Variants in TOP3A observed in about 807,000 individuals in gnomAD.
TOP3A encodes the protein DNA topoisomerase 3-alpha.
Under a neutral mutation model 111.3 loss-of-function variants are expected in TOP3A, and 64 were observed. The observed-to-expected ratio is 0.57, with a 90% confidence interval of 0.47 to 0.71. The LOEUF (loss-of-function observed/expected upper bound fraction) is 0.71, where lower values mean the gene tolerates loss of function less well. Among genes scored for constraint, TOP3A ranks in the 30% least tolerant of loss-of-function variants. The pLI, the probability that TOP3A is intolerant of heterozygous loss-of-function variation, is 0.00. For missense variants in TOP3A, 1,104 were observed against 1,285.0 expected (o/e 0.86, Z 2.15); for synonymous variants, 484 against 485.1 (o/e 1.00, Z 0.03).
intron 7 of TOP3A, 76 bp from the exon 8 acceptor site, chr17:18,302,061 T>C (rs1471911151): frequency 6.0e-6 from 9 of 1,489,650 alleles, no homozygotes; most frequent in Non-Finnish European, 8.3e-6. Context: ...AAAAGGTTTA[T>C]TGTGGTGAAA....
chr17:18,299,438 C>G (rs1453565562), intron 9 of TOP3A, 121 bp downstream of exon 9: 2 of 861,370 alleles, frequency 2.3e-6, no homozygotes, highest in African/African-American at 3.3e-5. Flanking sequence ...CCAGTGTTTT[C>G]TTGTGTGGCC....
At chr17:18,288,210 T>C (rs1461265679) in intron 13 of TOP3A, among the ~76,000 whole-genome samples, 8 of 146,684 alleles carry the variant, frequency 5.5e-5, no homozygotes, top group Non-Finnish European at 1.0e-4. Context: ...TGAAGTGCAG[T>C]GGCACAATCT....
In TOP3A at chr17:18,299,642, C is replaced by T. The variant is rs567671361; in HGVS notation, c.916-9G>A. The T allele has an allele frequency of 6.2e-7, 1 of 1,613,528 alleles. No individual in the cohort carries two copies. The highest frequency in any genetic ancestry group is 8.5e-7 in the Non-Finnish European group (1 of 1,179,530). On this transcript the variant is annotated splice_polypyrimidine_tract_variant and intron_variant, in intron 8 of 18. Transcript: ENST00000321105. The stretch of plus-strand genomic sequence containing the variant: ...ACAGTTGCCATGGGATCCTAGAAAG[C>T]CAGGAAAGAAAAGACCATGTTAACC...
chr17:18,293,615 GAGAC>G (rs1980614869), intron 10 of TOP3A, among the ~76,000 whole-genome samples: 1 of 144,710 alleles, frequency 6.9e-6, no homozygotes, highest in Admixed American at 6.8e-5. Context: ...TTCCCCCCAA[GAGAC>G]GGAGTCTTGC....
At chr17:18,288,469 ATTAT>A (rs946668118) in intron 13 of TOP3A, among the ~76,000 whole-genome samples, 1 of 149,038 alleles carries the variant, frequency 6.7e-6, no homozygotes, top group African/African-American at 2.5e-5. Context: ...AAATATTATT[ATTAT>A]TTTTTTGTAA....
At chr17:18,296,799 G>A (rs1597974483) in intron 9 of TOP3A, among the ~76,000 whole-genome samples, 1 of 152,138 alleles carries the variant, frequency 6.6e-6, no homozygotes. Context: ...CTGCTAAGTG[G>A]TGACTGAGAA....
At chr17:18,293,178 C>T (rs1032784004) in intron 10 of TOP3A, among the ~76,000 whole-genome samples, 3 of 152,264 alleles carry the variant, frequency 2.0e-5, no homozygotes, top group African/African-American at 7.2e-5. Flanking sequence ...TGATGCAGCA[C>T]ATGAGACTCA....
intron 10 of TOP3A, 76 bp from the exon 11 acceptor site, chr17:18,292,928 A>C: frequency 2.2e-6 from 3 of 1,373,726 alleles, no homozygotes; most frequent in Non-Finnish European, 3.0e-6. Context: ...GAAAGCACAC[A>C]CTAACACCTG....
intron 1 of TOP3A, among the ~76,000 whole-genome samples, chr17:18,309,322 A>T (rs1353053680): frequency 6.6e-6 from 1 of 152,250 alleles, no homozygotes; most frequent in African/African-American, 2.4e-5. Flanking sequence ...TCAAAAAGTT[A>T]CAGAGTTATC....
intron 1 of TOP3A, chr17:18,311,857 C>A (rs1015295055): frequency 4.6e-5 from 7 of 152,248 alleles, no homozygotes; most frequent in African/African-American, 1.7e-4. Context: ...GGAAGGATTC[C>A]TTGAAGATGA....
Position 18,274,710 on chromosome 17 carries a change from G to A in TOP3A, c.*92C>T. 8 of 1,526,890 alleles carry A rather than the reference G, an allele frequency of 5.2e-6. No homozygotes were observed. Among genetic ancestry groups the A allele is most frequent in the Non-Finnish European group, 7.0e-6 (8 of 1,136,850 alleles). 94.6% of individuals were successfully genotyped at this position (1,526,890 alleles called of 1,614,324 possible). A position where few individuals can be genotyped will look rare whatever the true frequency, so the allele number is the denominator to read the frequency against. The stretch of plus-strand genomic sequence containing the variant: ...CCAACACTGTCCTCTAAGTTTCCAG[G>A]ACACTAAATGGCCACTTGGTCCTGG... On this transcript the variant is annotated 3_prime_UTR_variant, in exon 19 of 19. Coordinates refer to ENST00000321105, the MANE Select transcript of TOP3A (RefSeq NM_004618.5).
rs768217692 is a variant in TOP3A at position 18,302,251 on chromosome 17, C to T, written c.814+13G>A. The T allele has an allele frequency of 9.4e-6, 15 of 1,602,070 alleles. No homozygotes were observed. The highest frequency in any genetic ancestry group is 1.2e-5 in the Non-Finnish European group (14 of 1,175,072). ...CATAGGTCCCAGGCCATAACACCCA[C>T]TCCAGGCCCTACCTTTAATTCTGTG... On this transcript the variant is annotated intron_variant, in intron 7 of 18. Coordinates refer to ENST00000321105, the MANE Select transcript of TOP3A (RefSeq NM_004618.5).
chr17:18,310,532 T>TA (rs1183597798), intron 1 of TOP3A, among the ~76,000 whole-genome samples: 1 of 152,142 alleles, frequency 6.6e-6, no homozygotes, highest in Non-Finnish European at 1.5e-5. Flanking sequence ...AAAGAGCATG[T>TA]AAGATATGGG....
At position 18,271,844 on chromosome 17, in the gene TOP3A, C is replaced by T. The variant is rs1208792966; in HGVS notation, c.*2958G>A. The T allele has an allele frequency of 2.4e-6, 1 of 415,624 alleles. No homozygotes were observed. Among genetic ancestry groups the T allele is most frequent in the Non-Finnish European group, 4.8e-6 (1 of 208,106 alleles). The allele number at this position is 415,624 out of a possible 1,614,324, so 25.7% of individuals were successfully genotyped here. ...TTGGGAGGCCGAGGCTGGTAGATCACCTGAGGTCACGAGTTTGAGACCAGC... is the reference window on the plus strand; with the variant it reads ...TTGGGAGGCCGAGGCTGGTAGATCATCTGAGGTCACGAGTTTGAGACCAGC... On this transcript the variant is annotated 3_prime_UTR_variant, in exon 19 of 19. Transcript: ENST00000321105.
In TOP3A at chr17:18,314,604, T is replaced by G; in HGVS notation, c.175A>C (p.Arg59=). The G allele has an allele frequency of 6.2e-7, 1 of 1,610,178 alleles. No homozygotes were observed. Among genetic ancestry groups the G allele is most frequent in the South Asian group, 1.1e-5 (1 of 90,538 alleles). The change falls in exon 1 of 19, where the codon AGG becomes CGG. Residue 59 remains arginine, a synonymous_variant. Coordinates refer to ENST00000321105, the MANE Select transcript of TOP3A (RefSeq NM_004618.5). The stretch of plus-strand genomic sequence containing the variant: ...ATCGGAACGCGCTTTCTTACCCGCC[T>G]CATGCGACCGTTTGACAGCAGGTCG... The part of the protein sequence containing the change: ...IADLLSNGRM[R]RREGLSKFNK...
At chr17:18,276,520 G>T (rs533051909) in intron 18 of TOP3A, among the ~76,000 whole-genome samples, 3 of 152,346 alleles carry the variant, frequency 2.0e-5, no homozygotes, top group Admixed American at 2.0e-4. Context: ...TGACACATGT[G>T]TAAGAATCAT....
intron 1 of TOP3A, among the ~76,000 whole-genome samples, chr17:18,310,659 C>T (rs1193309087): frequency 6.6e-6 from 1 of 152,068 alleles, no homozygotes; most frequent in East Asian, 1.9e-4. Context: ...TATGAGGCTT[C>T]CTCTTGGGGT....
intron 13 of TOP3A, among the ~76,000 whole-genome samples, chr17:18,287,885 C>G (rs1284888899): frequency 2.0e-5 from 3 of 151,582 alleles, no homozygotes; most frequent in Non-Finnish European, 4.4e-5. Context: ...GTAAGCCTAG[C>G]TACTCGGGAG....
At chr17:18,298,873 A>G (rs1022424841) in intron 9 of TOP3A, among the ~76,000 whole-genome samples, 47 of 151,976 alleles carry the variant, frequency 3.1e-4, no homozygotes, top group Non-Finnish European at 4.4e-4. Context: ...CTTAAGAGTC[A>G]TCACCACTCC....
Sources: gnomAD v4.1 joint callset for allele counts (sites outside exome capture counted in the v4.1 genomes callset) on GRCh38, gnomAD v4.1.1 for gene constraint, MANE v1.5 for transcripts, NCBI Gene and HGNC (gene_info 2026-07-23, HGNC 2026-07-21) for gene names.